CCDC150: variants seen among roughly 807,000 people sequenced by gnomAD.
CCDC150 encodes coiled-coil domain containing 150.
CCDC150 carries 151 observed loss-of-function variants against 156.5 expected under a neutral mutation model. That is an observed-to-expected ratio of 0.97 (90% CI 0.85 to 1.10). The LOEUF (loss-of-function observed/expected upper bound fraction) is 1.10. Among genes scored for constraint, CCDC150 ranks in the 50% least tolerant of loss-of-function variants. The pLI is 0.00. For synonymous variants in CCDC150, 452 were observed against 429.4 expected (o/e 1.05, Z -0.65); for missense variants, 1,312 against 1,268.1 (o/e 1.03, Z -0.53).
At chr2:196,643,145 A>T (rs903788679) in intron 1 of CCDC150, among the ~76,000 whole-genome samples, 7 of 152,228 alleles carry the variant, frequency 4.6e-5, no homozygotes, top group African/African-American at 1.7e-4. Flanking sequence ...CGATTGACTA[A>T]GAGGATATTT....
At chr2:196,669,267 A>G (rs1205594329) in intron 7 of CCDC150, among the ~76,000 whole-genome samples, 1 of 152,166 alleles carries the variant, frequency 6.6e-6, no homozygotes, top group East Asian at 1.9e-4. Flanking sequence ...TCTATCCCCG[A>G]AACCTGCTCC....
intron 13 of CCDC150, among the ~76,000 whole-genome samples, chr2:196,691,495 A>G (rs1327917044): frequency 6.6e-6 from 1 of 152,190 alleles, no homozygotes; most frequent in Non-Finnish European, 1.5e-5. Context: ...GTTTATGTAC[A>G]TAGAGGTGTT....
In CCDC150 at chr2:196,712,275, C is replaced by T. The variant is rs377022036; in HGVS notation, c.1803+23C>T. 9.2e-5 allele frequency: 114 copies of T among 1,245,442 alleles called. No homozygotes were observed. In the African/African-American group the frequency reaches 9.4e-4, roughly 10 times the overall value. The allele number at this position is 1,245,442 out of a possible 1,614,324, so 77.1% of individuals were successfully genotyped here. On this transcript the variant is annotated intron_variant, in intron 16 of 27. Transcript: ENST00000389175. ...CAGGTGTGATTAATATCTACAAAAG[C>T]GGATTGCTGCTATATTTCGTTTTTA...
intron 25 of CCDC150, 135 bp from the exon 26 acceptor site, chr2:196,730,724 A>G (rs1698474037): frequency 3.1e-6 from 2 of 645,450 alleles, no homozygotes; most frequent in Non-Finnish European, 2.7e-6. Context: ...TTTATCTCAT[A>G]TGTCAGTAGC....
At position 196,729,805 on chromosome 2, in the gene CCDC150, G is replaced by T. The variant is rs768558475; in HGVS notation, c.2764G>T (p.Glu922Ter). ...NIERMKQIEK[E>*]LKQMELIKDQ... ...CAATTACTTTTAGCAAATAGAAAAA[G>T]AATTGAAGCAAATGGAGCTAATTAA... The change falls in exon 24 of 28, where the codon GAA becomes TAA. Residue 922 changes from glutamate (E) to a stop codon, truncating the protein, a stop_gained. Coordinates refer to ENST00000389175, the MANE Select transcript of CCDC150 (RefSeq NM_001080539.2). LOFTEE classifies it high-confidence loss of function. 5 of 1,577,496 alleles carry T rather than the reference G, an allele frequency of 3.2e-6. No homozygotes were observed. Among genetic ancestry groups the T allele is most frequent in the African/African-American group, 1.3e-5 (1 of 74,146 alleles).
At position 196,719,557 on chromosome 2, in the gene CCDC150, A is replaced by T; in HGVS notation, c.2056A>T (p.Met686Leu). 6.2e-7 allele frequency: 1 copy of T among 1,612,990 alleles called. No individual in the cohort carries two copies. Among genetic ancestry groups the T allele is most frequent in the Non-Finnish European group, 8.5e-7 (1 of 1,179,436 alleles). ...AGAAGACAACTGCAAAGTCACAATC[A>T]TGTTGGAGAATGTGCTGGCTTCTCA... ...AKEDNCKVTI[M>L]LENVLASHSK... Residue 686 changes from methionine (M) to leucine (L), a missense_variant, in exon 19 of 28, where the codon ATG (methionine) becomes TTG (leucine). Physicochemically the swap from Met to Leu is conservative, Grantham distance 15 (BLOSUM62 2). Coordinates refer to ENST00000389175, the MANE Select transcript of CCDC150 (RefSeq NM_001080539.2).
chr2:196,719,842 T>C, intron 19 of CCDC150, 176 bp downstream of exon 19: 1 of 466,436 alleles, frequency 2.1e-6, no homozygotes, highest in Non-Finnish European at 3.7e-6. Flanking sequence ...ATAAATATTA[T>C]TTCCAAAAAT....
intron 13 of CCDC150, among the ~76,000 whole-genome samples, chr2:196,682,140 T>G (rs1173389909): frequency 1.3e-5 from 2 of 152,078 alleles, no homozygotes; most frequent in Admixed American, 6.5e-5. Flanking sequence ...ATATGTGCTA[T>G]GAGGTAAGGG....
intron 13 of CCDC150, among the ~76,000 whole-genome samples, chr2:196,683,960 T>TG (rs1227080077): frequency 1.3e-5 from 2 of 152,044 alleles, no homozygotes; most frequent in Admixed American, 1.3e-4. Flanking sequence ...AACCAACTTG[T>TG]GGAAGTTTTT....
chr2:196,719,982 C>A (rs1171422520), intron 19 of CCDC150, among the ~76,000 whole-genome samples: 1 of 152,134 alleles, frequency 6.6e-6, no homozygotes, highest in South Asian at 2.1e-4. Flanking sequence ...CTTGCTTCTA[C>A]AGAATAGTAA....
chr2:196,731,608 C>T (rs1698528992), intron 26 of CCDC150, among the ~76,000 whole-genome samples: 1 of 151,724 alleles, frequency 6.6e-6, no homozygotes, highest in Admixed American at 6.6e-5. Context: ...TGGTCTCAAA[C>T]TCCTGGACTC....
At chr2:196,651,136 CAAT>C (rs973283298) in intron 2 of CCDC150, among the ~76,000 whole-genome samples, 17 of 152,160 alleles carry the variant, frequency 1.1e-4, no homozygotes, top group African/African-American at 3.9e-4. Flanking sequence ...AAGGTGATAA[CAAT>C]TTAATTTTTA....
chr2:196,661,572 A>AT (rs1448778093), intron 5 of CCDC150, among the ~76,000 whole-genome samples: 2 of 152,220 alleles, frequency 1.3e-5, no homozygotes, highest in African/African-American at 4.8e-5. Flanking sequence ...GAGGTAGCAG[A>AT]TGTTGGGCTT....
intron 7 of CCDC150, among the ~76,000 whole-genome samples, chr2:196,669,107 C>T (rs1173746477): frequency 6.6e-6 from 1 of 152,162 alleles, no homozygotes; most frequent in Non-Finnish European, 1.5e-5. Context: ...TTTCTTTTCA[C>T]TGTACATGCT....
Position 196,643,422 on chromosome 2 carries a change from T to C in CCDC150, c.13-2919T>C, listed in dbSNP as rs577296300. Among the ~76,000 whole-genome samples the C allele has an allele frequency of 8.5e-5, 13 of 152,318 alleles. No homozygotes were observed. In the East Asian group the frequency reaches 2.5e-3, roughly 29 times the overall value. On this transcript the variant is annotated intron_variant, in intron 1 of 27. Transcript: ENST00000389175. Reference sequence around the variant, plus strand: ...CGCGACATGTTGGACCTTCTTTTTTTTAAAACAAGTGAAGCAATTTAAATG... The same window carrying C: ...CGCGACATGTTGGACCTTCTTTTTTCTAAAACAAGTGAAGCAATTTAAATG...
intron 17 of CCDC150, chr2:196,713,666 T>C: frequency 7.1e-7 from 1 of 1,409,452 alleles, no homozygotes; most frequent in East Asian, 2.6e-5. Context: ...ATCACCAAAT[T>C]TTCTTAAACA....
chr2:196,679,572 G>A (rs1694697973), intron 13 of CCDC150, among the ~76,000 whole-genome samples: 1 of 152,110 alleles, frequency 6.6e-6, no homozygotes, highest in Non-Finnish European at 1.5e-5. Context: ...GATTTTGGCA[G>A]TTAATAAAGC....
chr2:196,661,087 A>G (rs1452858134), intron 5 of CCDC150, among the ~76,000 whole-genome samples: 1 of 152,060 alleles, frequency 6.6e-6, no homozygotes, highest in Non-Finnish European at 1.5e-5. Flanking sequence ...ATTTAACATT[A>G]TTTTTTACTG....
chr2:196,710,459 G>A (rs2375945), intron 15 of CCDC150, among the ~76,000 whole-genome samples: 2 of 152,128 alleles, frequency 1.3e-5, no homozygotes, highest in African/African-American at 4.8e-5. Flanking sequence ...TGCGCTTCCC[G>A]GGTGAGGCGA....
Sources: allele counts gnomAD v4.1 joint callset (sites outside exome capture counted in the v4.1 genomes callset), GRCh38; gene constraint gnomAD v4.1.1; transcripts MANE v1.5; gene names NCBI Gene and HGNC (gene_info 2026-07-23, HGNC 2026-07-21).